The following APOBEC3B variants were observed in gnomAD, a reference collection of about 807,000 sequenced individuals.
APOBEC3B encodes DNA dC->dU-editing enzyme APOBEC-3B.
APOBEC3B carries 29 observed loss-of-function variants against 53.4 expected under a neutral mutation model. The observed-to-expected ratio is 0.54, with a 90% CI of 0.40 to 0.74. The LOEUF (loss-of-function observed/expected upper bound fraction) is 0.74. Ranked by LOEUF, APOBEC3B falls within the 30% of genes least tolerant of loss-of-function variation. The pLI is 0.00. For missense variants in APOBEC3B, 347 were observed against 496.2 expected, an observed-to-expected ratio of 0.70 and a Z score of 2.86; for synonymous variants, 132 against 184.8, an observed-to-expected ratio of 0.71 and a Z score of 2.32.
chr22:38,987,405 G>T (rs1275652877), intron 4 of APOBEC3B, among the ~76,000 whole-genome samples: 1 of 148,188 alleles, frequency 6.7e-6, no homozygotes, highest in African/African-American at 2.5e-5. Context: ...CCCCAGGCCA[G>T]ACCCCCTGCT....
chr22:38,987,825 G>A (rs2267403), intron 4 of APOBEC3B, among the ~76,000 whole-genome samples: 8,208 of 148,300 alleles, frequency 0.055, 827 homozygotes, highest in South Asian at 0.11. Flanking sequence ...GGCAGGGCAC[G>A]GTGGCTTATG....
intron 2 of APOBEC3B, among the ~76,000 whole-genome samples, chr22:38,984,965 A>T (rs1156835397): frequency 7.2e-6 from 1 of 138,634 alleles, no homozygotes; most frequent in African/African-American, 2.7e-5. Flanking sequence ...GCAATTGCAC[A>T]ATCTTGGCTC....
In APOBEC3B at chr22:38,985,979, C is replaced by T. The variant is rs370497287; in HGVS notation, c.342C>T (p.Val114=). The part of the protein sequence containing the change: ...LAEFLSEHPN[V]TLTISAARLY... ...AATTCCTGTCTGAGCACCCCAATGTCACCCTGACCATCTCTGCCGCCCGCC... is the reference window on the plus strand; with the variant it reads ...AATTCCTGTCTGAGCACCCCAATGTTACCCTGACCATCTCTGCCGCCCGCC... Residue 114 remains valine (V), a synonymous_variant, in exon 3 of 8, where the codon GTC becomes GTT. Transcript: ENST00000333467. 1.3e-6 allele frequency: 2 copies of T among 1,597,700 alleles called. 1 individual carries two copies. The highest frequency in any genetic ancestry group is 2.7e-5 in the African/African-American group (2 of 73,948).
Position 38,990,791 on chromosome 22 carries a change from C to A in APOBEC3B, c.724-541C>A, listed in dbSNP as rs1322188708. Among the ~76,000 whole-genome samples, 89 of 145,614 alleles carry A rather than the reference C, an allele frequency of 6.1e-4. 5 individuals carry two copies. Among genetic ancestry groups the A allele is most frequent in the Non-Finnish European group, 7.3e-4 (49 of 66,960 alleles). ...TCCCCTTGAAGGAAGCACACTCACT[C>A]AGGGGCATCAGGCCAATGACCTTGG... On this transcript the variant is annotated intron_variant, in intron 5 of 7. Coordinates refer to ENST00000333467, the MANE Select transcript of APOBEC3B (RefSeq NM_004900.5).
At chr22:38,984,535 A>T (rs1923657034) in intron 2 of APOBEC3B, among the ~76,000 whole-genome samples, 1 of 149,082 alleles carries the variant, frequency 6.7e-6, no homozygotes. Flanking sequence ...GAAAACAGGA[A>T]CTGGCTAAAT....
chr22:38,983,531 C>A (rs1923614086), intron 1 of APOBEC3B, among the ~76,000 whole-genome samples: 1 of 148,310 alleles, frequency 6.7e-6, no homozygotes, highest in African/African-American at 2.4e-5. Context: ...GTGGCCTCGG[C>A]AGGTTACCCC....
At chr22:38,986,247 A>C in intron 3 of APOBEC3B, 51 bp from the exon 4 acceptor site, 1 of 1,589,508 alleles carries the variant, frequency 6.3e-7, no homozygotes, top group Non-Finnish European at 8.5e-7. Context: ...GCCTGGGAGG[A>C]CAGGCCAGGG....
intron 4 of APOBEC3B, among the ~76,000 whole-genome samples, chr22:38,988,741 C>CTTTCTTTCTTTCTT (rs1256482589): frequency 1.6e-5 from 2 of 121,536 alleles, no homozygotes; most frequent in Non-Finnish European, 3.3e-5. Context: ...TTCTTTCTTT[C>CTTTCTTTCTTTCTT]TTTCTTCCTT....
At chr22:38,992,382 C>T (rs1265411068) in intron 7 of APOBEC3B, 49 bp from the exon 8 acceptor site, 4 of 1,590,896 alleles carry the variant, frequency 2.5e-6, no homozygotes, top group Non-Finnish European at 3.4e-6. Flanking sequence ...CCTGTGCCCT[C>T]TTTCCACTCT....
At position 38,987,034 on chromosome 22, in the gene APOBEC3B, T is replaced by C. The variant is rs753237217; in HGVS notation, c.569+622T>C. Among the ~76,000 whole-genome samples the C allele has an allele frequency of 1.7e-4, 26 of 148,786 alleles. 1 individual carries two copies. The highest frequency in any genetic ancestry group is 2.8e-4 in the Non-Finnish European group (19 of 67,278). Reference sequence around the variant, plus strand: ...GTGAGAAAGCAGCATAAAGTGAGGCTTGCACTCAGATGGGCCTGGGAGGTC... The same window carrying C: ...GTGAGAAAGCAGCATAAAGTGAGGCCTGCACTCAGATGGGCCTGGGAGGTC... On this transcript the variant is annotated intron_variant, in intron 4 of 7. Coordinates refer to ENST00000333467, the MANE Select transcript of APOBEC3B (RefSeq NM_004900.5).
chr22:38,983,931 C>T, intron 1 of APOBEC3B, 144 bp from the exon 2 acceptor site: 2 of 1,035,398 alleles, frequency 1.9e-6, no homozygotes, highest in Non-Finnish European at 2.7e-6. Context: ...GTCTTCCTGC[C>T]TGGGAAGGCA....
chr22:38,990,479 C>T (rs546595454), intron 5 of APOBEC3B, among the ~76,000 whole-genome samples: 3 of 147,728 alleles, frequency 2.0e-5, no homozygotes, highest in East Asian at 4.5e-4. Flanking sequence ...CCCAACTTGA[C>T]CGATTCCTAG....
rs1356641069 is a variant in APOBEC3B at position 38,987,803 on chromosome 22, G to C, written c.569+1391G>C. ...AGGAAAACATATGATCAGGAGAAAT[G>C]CTCTTATTTTAGGCAGGGCACGGTG... On this transcript the variant is annotated intron_variant, in intron 4 of 7. Coordinates refer to ENST00000333467, the MANE Select transcript of APOBEC3B (RefSeq NM_004900.5). Among the ~76,000 whole-genome samples, 5 of 148,316 alleles carry C rather than the reference G, an allele frequency of 3.4e-5. 1 individual carries two copies. Among genetic ancestry groups the C allele is most frequent in the African/African-American group, 1.2e-4 (5 of 40,778 alleles).
At chr22:38,988,631 TCCTC>T (rs1452409405) in intron 4 of APOBEC3B, among the ~76,000 whole-genome samples, 1 of 134,736 alleles carries the variant, frequency 7.4e-6, no homozygotes, top group African/African-American at 2.6e-5. Context: ...CTTCCTTCCT[TCCTC>T]CCTTCCTTCC....
chr22:38,982,421 G>C lies in APOBEC3B; in HGVS notation c.-33G>C, dbSNP rs778792296. 1 of 1,593,058 alleles carries C rather than the reference G, an allele frequency of 6.3e-7. No homozygotes were observed. Among genetic ancestry groups the C allele is most frequent in the African/African-American group, 1.3e-5 (1 of 74,284 alleles). ...AACCACAGAGCTTCAAAAAAAGAGC[G>C]GGACAGGGACAAGCGTATCTAAGAG... On this transcript the variant is annotated 5_prime_UTR_variant, in exon 1 of 8. Transcript: ENST00000333467.
Position 38,989,570 on chromosome 22 carries a change from G to T in APOBEC3B, c.683G>T (p.Trp228Leu). 6.3e-7 allele frequency: 1 copy of T among 1,586,964 alleles called. No homozygotes were observed. The part of the protein sequence containing the change: ...YEVERLDNGT[W>L]VLMDQHMGFL... ...GTGGAGCGCCTGGACAATGGCACCT[G>T]GGTCCTGATGGACCAGCACATGGGC... Residue 228 changes from tryptophan (W) to leucine (L), a missense_variant, in exon 5 of 8, where the codon TGG becomes TTG. Physicochemically the swap from Trp to Leu is moderately conservative, Grantham distance 61. Around this residue, in one of 5 missense-constraint regions of APOBEC3B, gnomAD observed 156 missense variants for 166.7 expected, o/e 0.94. Transcript: ENST00000333467.
Position 38,992,706 on chromosome 22 carries a change from G to C in APOBEC3B, c.*261G>C. 8 of 991,708 alleles carry C rather than the reference G, an allele frequency of 8.1e-6. No homozygotes were observed. Among genetic ancestry groups the C allele is most frequent in the South Asian group, 1.8e-5 (1 of 56,074 alleles). 61.4% of individuals were successfully genotyped at this position (991,708 alleles called of 1,614,324 possible). The stretch of plus-strand genomic sequence containing the variant: ...CCAGAATAGTTTTCAATGTATTAAT[G>C]AAGTGATTAATTGGCTCCATATTTA... On this transcript the variant is annotated 3_prime_UTR_variant, in exon 8 of 8. Transcript: ENST00000333467.
rs377377948 is a variant in APOBEC3B, at chr22:38,991,540, G to A, written c.932G>A (p.Arg311His). 274 of 1,593,516 alleles carry A rather than the reference G, an allele frequency of 1.7e-4. No individual in the cohort carries two copies. The South Asian group carries it at 2.8e-3, about 17-fold the overall frequency. Residue 311 changes from arginine (R) to histidine (H), a missense_variant, in exon 6 of 8, where the codon CGC (arginine) becomes CAC (histidine). Physicochemically the swap from Arg to His is conservative, Grantham distance 29 (BLOSUM62 0). Transcript: ENST00000333467. ...THVRLRIFAA[R>H]IYDYDPLYKE... ...GTGAGACTGCGCATCTTCGCTGCCC[G>A]CATCTATGATTACGACCCCCTATAT...
chr22:38,988,736 T>TCTTTCTTTCTTC, intron 4 of APOBEC3B, among the ~76,000 whole-genome samples: 1 of 132,224 alleles, frequency 7.6e-6, no homozygotes, highest in Non-Finnish European at 1.5e-5. Flanking sequence ...TTTCTTTCTT[T>TCTTTCTTTCTTC]CTTTCTTTCT....
Sources: allele counts gnomAD v4.1 joint callset (sites outside exome capture counted in the v4.1 genomes callset), GRCh38; gene constraint gnomAD v4.1.1; regional missense constraint gnomAD v4.1.1; transcripts MANE v1.5; gene names NCBI Gene and HGNC (gene_info 2026-07-23, HGNC 2026-07-21).